CNOT4: variants seen among roughly 807,000 people sequenced by gnomAD.
CNOT4 encodes CCR4-NOT transcription complex subunit 4.
A neutral mutation model predicts 73.8 loss-of-function variants in CNOT4; 8 were observed. The ratio of observed to expected loss-of-function variants is 0.11; its 90% CI spans 0.06 to 0.20. The LOEUF is 0.20. Among genes scored for constraint, CNOT4 ranks in the 10% least tolerant of loss-of-function variants. The pLI, the probability that CNOT4 is intolerant of heterozygous loss-of-function variation, is 1.00. For missense variants in CNOT4, 564 were observed against 883.4 expected (o/e 0.64, Z 4.58); for synonymous variants, 293 against 321.1 (o/e 0.91, Z 0.94).
At chr7:135,476,666 A>G (rs1457997338) in intron 1 of CNOT4, among the ~76,000 whole-genome samples, 1 of 152,176 alleles carries the variant, frequency 6.6e-6, no homozygotes, top group East Asian at 1.9e-4. Flanking sequence ...ACAGAGCAAG[A>G]TTCTGTCTCT....
intron 1 of CNOT4, among the ~76,000 whole-genome samples, chr7:135,461,526 A>C (rs906757206): frequency 1.3e-5 from 2 of 152,062 alleles, no homozygotes; most frequent in East Asian, 3.9e-4. Flanking sequence ...TTTACCTATT[A>C]AATCTTTGGA....
intron 1 of CNOT4, among the ~76,000 whole-genome samples, chr7:135,507,688 C>A (rs1804468680): frequency 6.6e-6 from 1 of 152,182 alleles, no homozygotes; most frequent in African/African-American, 2.4e-5. Context: ...TCACTGCTTA[C>A]AATTCAGCCA....
At chr7:135,388,365 G>T in intron 10 of CNOT4, 1 of 983,776 alleles carries the variant, frequency 1.0e-6, no homozygotes, top group Non-Finnish European at 1.2e-6. Flanking sequence ...AGTATTCAAA[G>T]AATGCAATAG....
intron 10 of CNOT4, among the ~76,000 whole-genome samples, chr7:135,380,175 T>A (rs185790389): frequency 2.3e-4 from 35 of 152,208 alleles, no homozygotes. Flanking sequence ...TTCTATATGG[T>A]GTAACACAGA....
At chr7:135,405,654 T>C (rs1797238276) in intron 7 of CNOT4, among the ~76,000 whole-genome samples, 1 of 152,202 alleles carries the variant, frequency 6.6e-6, no homozygotes, top group Non-Finnish European at 1.5e-5. Flanking sequence ...TTCATAATAA[T>C]GAAGGGGAGC....
chr7:135,438,146 T>G lies in CNOT4; in HGVS notation c.174+12A>C, dbSNP rs748099564. 8.9e-6 allele frequency: 13 copies of G among 1,454,910 alleles called. No homozygotes were observed. The South Asian group carries it at 1.3e-4, about 14-fold the overall frequency. 90.1% of individuals were successfully genotyped at this position (1,454,910 alleles called of 1,614,324 possible). A position where few individuals can be genotyped will look rare whatever the true frequency, so the allele number is the denominator to read the frequency against. On this transcript the variant is annotated intron_variant, in intron 2 of 11. Transcript: ENST00000541284. ...AAAACAAATCACTGTGAAGTTATTT[T>G]GAAGTATTTACCTTTCTACATGCAG... is the stretch of plus-strand genomic sequence containing the variant.
intron 6 of CNOT4, 32 bp from the exon 7 acceptor site, chr7:135,410,680 G>T: frequency 6.5e-7 from 1 of 1,541,618 alleles, no homozygotes; most frequent in South Asian, 1.3e-5. Flanking sequence ...ACTGCAGTGG[G>T]ATTCACAAAA....
At chr7:135,472,375 G>T (rs539760926) in intron 1 of CNOT4, among the ~76,000 whole-genome samples, 60 of 144,938 alleles carry the variant, frequency 4.1e-4, no homozygotes, top group African/African-American at 1.4e-3. Context: ...TACTCAGAAG[G>T]CTGAGGCAGG....
At chr7:135,433,166 T>C (rs1376606196) in intron 2 of CNOT4, among the ~76,000 whole-genome samples, 2 of 152,196 alleles carry the variant, frequency 1.3e-5, no homozygotes, top group Non-Finnish European at 2.9e-5. Flanking sequence ...ACGTCCTTGA[T>C]TGATCCTCAG....
chr7:135,395,906 T>A lies in CNOT4; in HGVS notation c.880-23A>T, dbSNP rs759244046. The stretch of plus-strand genomic sequence containing the variant: ...TATCTGAATAAAAAAGGAAAACAAA[T>A]AATAACTACATGTTTATACATTTTA... On this transcript the variant is annotated intron_variant, in intron 8 of 11. Transcript: ENST00000541284. 3 of 1,531,092 alleles carry A rather than the reference T, an allele frequency of 2.0e-6. No homozygotes were observed. In the Admixed American group the frequency reaches 5.0e-5, roughly 26 times the overall value. 94.8% of individuals were successfully genotyped at this position (1,531,092 alleles called of 1,614,324 possible).
intron 10 of CNOT4, among the ~76,000 whole-genome samples, chr7:135,383,464 T>C (rs958997690): frequency 1.3e-5 from 2 of 152,196 alleles, no homozygotes; most frequent in African/African-American, 4.8e-5. Context: ...CCTCCTACGA[T>C]GCTTTGAGGA....
chr7:135,390,783 G>A (rs1796360512), intron 10 of CNOT4, among the ~76,000 whole-genome samples: 1 of 152,214 alleles, frequency 6.6e-6, no homozygotes, highest in South Asian at 2.1e-4. Flanking sequence ...TGACATGTAG[G>A]TGACTGCCAT....
intron 1 of CNOT4, among the ~76,000 whole-genome samples, chr7:135,483,490 T>C (rs1802520944): frequency 6.6e-6 from 1 of 151,662 alleles, no homozygotes; most frequent in South Asian, 2.1e-4. Context: ...CATGATCATA[T>C]CATTGACAGA....
intron 1 of CNOT4, among the ~76,000 whole-genome samples, chr7:135,503,059 A>G (rs1373604005): frequency 1.3e-5 from 2 of 152,086 alleles, no homozygotes; most frequent in African/African-American, 4.8e-5. Context: ...AGACTGAGGC[A>G]GGAGAACCGC....
intron 1 of CNOT4, among the ~76,000 whole-genome samples, chr7:135,508,428 C>T (rs756737877): frequency 6.6e-6 from 1 of 152,210 alleles, no homozygotes; most frequent in Non-Finnish European, 1.5e-5. Flanking sequence ...TGTATGTGCA[C>T]AGCTTTGTCA....
chr7:135,457,272 A>G (rs1040509130), intron 1 of CNOT4, among the ~76,000 whole-genome samples: 1 of 152,030 alleles, frequency 6.6e-6, no homozygotes, highest in Non-Finnish European at 1.5e-5. Context: ...CTGTACTTCA[A>G]TAATACACAG....
At chr7:135,388,215 A>G (rs1796220251) in intron 10 of CNOT4, 4 of 985,194 alleles carry the variant, frequency 4.1e-6, no homozygotes, top group African/African-American at 3.5e-5. Flanking sequence ...AGTGCAAAAG[A>G]GAGAGAACAA....
chr7:135,375,651 G>A (rs921179654), intron 10 of CNOT4, among the ~76,000 whole-genome samples: 3 of 152,252 alleles, frequency 2.0e-5, no homozygotes, highest in South Asian at 2.1e-4. Context: ...AGGGCTGGGC[G>A]CGGTGGCTCA....
intron 1 of CNOT4, among the ~76,000 whole-genome samples, chr7:135,472,955 T>C (rs1801733715): frequency 6.6e-6 from 1 of 151,688 alleles, no homozygotes; most frequent in African/African-American, 2.4e-5. Context: ...GTGGGAGGAT[T>C]GCCTGAATCC....
Sources: allele counts gnomAD v4.1 joint callset (sites outside exome capture counted in the v4.1 genomes callset), GRCh38; gene constraint gnomAD v4.1.1; transcripts MANE v1.5; gene names NCBI Gene and HGNC (gene_info 2026-07-23, HGNC 2026-07-21).